PLCB1: variants seen among roughly 807,000 people sequenced by gnomAD.
PLCB1 encodes the protein phospholipase C beta 1, also known as 1-phosphatidylinositol 4,5-bisphosphate phosphodiesterase beta-1.
In PLCB1, 46 loss-of-function variants were observed where a neutral mutation model predicts 161.8. The ratio of observed to expected loss-of-function variants is 0.28; its 90% CI spans 0.22 to 0.36. PLCB1 has a LOEUF of 0.36. Among genes scored for constraint, PLCB1 ranks in the 10% least tolerant of loss-of-function variants. PLCB1 has a pLI of 1.00. For missense variants in PLCB1, 1,016 were observed against 1,472.5 expected, an observed-to-expected ratio of 0.69 and a Z score of 5.07; for synonymous variants, 517 against 503.7, an observed-to-expected ratio of 1.03 and a Z score of -0.35.
At chr20:8,795,568 T>C (rs1442368324) in intron 31 of PLCB1, among the ~76,000 whole-genome samples, 1 of 152,220 alleles carries the variant, frequency 6.6e-6, no homozygotes, top group Non-Finnish European at 1.5e-5. Context: ...TGGCTTTTTA[T>C]GAAATCCATA....
At chr20:8,517,646 C>T (rs973755118) in intron 3 of PLCB1, among the ~76,000 whole-genome samples, 5 of 152,182 alleles carry the variant, frequency 3.3e-5, no homozygotes, top group Non-Finnish European at 5.9e-5. Flanking sequence ...ATCCCCTGTA[C>T]GGCCTGTGTT....
chr20:8,804,368 T>C (rs1984424567), intron 31 of PLCB1, among the ~76,000 whole-genome samples: 1 of 152,128 alleles, frequency 6.6e-6, no homozygotes, highest in African/African-American at 2.4e-5. Flanking sequence ...AAGAGACAAA[T>C]ATCCCCACAA....
rs545799415 is a variant in PLCB1 at position 8,243,955 on chromosome 20, GT to G, written c.177+93589del. 2.9e-4 allele frequency among the ~76,000 whole-genome samples: 44 copies of G among 151,940 alleles called. No individual in the cohort carries two copies. In the South Asian group the frequency reaches 8.7e-3, roughly 30 times the overall value. On this transcript the variant is annotated intron_variant, in intron 2 of 31. Transcript: ENST00000338037. ...AATTTTTTAATAATTGAAAGAATAG[GT>G]TTTTACTAATTAAGATCAGATTTAT...
intron 2 of PLCB1, among the ~76,000 whole-genome samples, chr20:8,215,635 C>A (rs1167994013): frequency 6.6e-6 from 1 of 152,008 alleles, no homozygotes; most frequent in Non-Finnish European, 1.5e-5. Flanking sequence ...AGGTTGTGAA[C>A]ATTTAGAGTT....
chr20:8,347,702 A>G (rs1727457647), intron 2 of PLCB1, among the ~76,000 whole-genome samples: 1 of 152,226 alleles, frequency 6.6e-6, no homozygotes, highest in African/African-American at 2.4e-5. Context: ...TTTTAGGGCT[A>G]CTTATAATGT....
intron 3 of PLCB1, among the ~76,000 whole-genome samples, chr20:8,513,074 T>G (rs1316795698): frequency 6.6e-6 from 1 of 152,224 alleles, no homozygotes; most frequent in Non-Finnish European, 1.5e-5. Flanking sequence ...TTATTTTACT[T>G]AGTATAATGG....
intron 4 of PLCB1, among the ~76,000 whole-genome samples, chr20:8,641,986 T>C (rs967758983): frequency 6.6e-6 from 1 of 152,216 alleles, no homozygotes; most frequent in East Asian, 1.9e-4. Flanking sequence ...TAAGTTAGTT[T>C]GAGTTGTGCT....
intron 7 of PLCB1, among the ~76,000 whole-genome samples, chr20:8,655,283 C>T (rs1989428699): frequency 6.6e-6 from 1 of 152,098 alleles, no homozygotes; most frequent in African/African-American, 2.4e-5. Context: ...GCTCGCTATC[C>T]ATTTCTCCAC....
chr20:8,154,782 T>C (rs1413432277), intron 2 of PLCB1, among the ~76,000 whole-genome samples: 2 of 152,198 alleles, frequency 1.3e-5, no homozygotes, highest in East Asian at 1.9e-4. Context: ...TGGACAGTTC[T>C]CTGTGTATTC....
chr20:8,718,138 T>A (rs1979432881), intron 14 of PLCB1, among the ~76,000 whole-genome samples: 1 of 152,022 alleles, frequency 6.6e-6, no homozygotes, highest in Non-Finnish European at 1.5e-5. Context: ...GAGAATCGCT[T>A]GAACCTAGGA....
chr20:8,200,824 G>T (rs1031428601), intron 2 of PLCB1, among the ~76,000 whole-genome samples: 15 of 151,858 alleles, frequency 9.9e-5, no homozygotes, highest in African/African-American at 3.6e-4. Context: ...GATCTTACAG[G>T]GAAGGCTTCT....
intron 2 of PLCB1, among the ~76,000 whole-genome samples, chr20:8,312,190 G>C (rs1984432582): frequency 6.6e-6 from 1 of 152,084 alleles, no homozygotes; most frequent in Non-Finnish European, 1.5e-5. Flanking sequence ...TATCTAGCCA[G>C]GGTTGGTTAT....
intron 2 of PLCB1, among the ~76,000 whole-genome samples, chr20:8,328,361 T>C (rs192887023): frequency 4.5e-4 from 69 of 152,234 alleles, no homozygotes; most frequent in African/African-American, 1.5e-3. Context: ...GTGCTTAAAA[T>C]GGAAAGAGGA....
chr20:8,539,649 T>C (rs190909068), intron 3 of PLCB1, among the ~76,000 whole-genome samples: 1 of 89,704 alleles, frequency 1.1e-5, no homozygotes, highest in African/African-American at 4.6e-5. Context: ...TCTTTCTTTC[T>C]TTCTTTCTTT....
At chr20:8,269,904 A>G (rs1192614867) in intron 2 of PLCB1, among the ~76,000 whole-genome samples, 8 of 151,942 alleles carry the variant, frequency 5.3e-5, no homozygotes, top group Admixed American at 1.3e-4. Flanking sequence ...TTTAAAAAAA[A>G]AAAGCCTGGC....
chr20:8,351,486 A>G (rs1986175061), intron 2 of PLCB1, among the ~76,000 whole-genome samples: 1 of 152,098 alleles, frequency 6.6e-6, no homozygotes, highest in South Asian at 2.1e-4. Flanking sequence ...AATTTTGATA[A>G]ACTATAATTT....
At chr20:8,614,729 A>G (rs996901070) in intron 3 of PLCB1, among the ~76,000 whole-genome samples, 7 of 151,968 alleles carry the variant, frequency 4.6e-5, no homozygotes, top group Admixed American at 3.3e-4. Flanking sequence ...CAAATTAAAA[A>G]TTGTGTTAGC....
chr20:8,621,178 G>A (rs1221283512), intron 3 of PLCB1, among the ~76,000 whole-genome samples: 1 of 152,094 alleles, frequency 6.6e-6, no homozygotes, highest in Non-Finnish European at 1.5e-5. Flanking sequence ...TGCTTTGTCG[G>A]GGGTTTAAAC....
At chr20:8,539,544 TGTTA>T (rs2122947463) in intron 3 of PLCB1, among the ~76,000 whole-genome samples, 1 of 152,358 alleles carries the variant, frequency 6.6e-6, no homozygotes, top group Admixed American at 6.5e-5. Flanking sequence ...CTGACTTTAC[TGTTA>T]TACTGTTTTA....
Sources: allele counts gnomAD v4.1 joint callset (sites outside exome capture counted in the v4.1 genomes callset), GRCh38; gene constraint gnomAD v4.1.1; transcripts MANE v1.5; gene names NCBI Gene and HGNC (gene_info 2026-07-23, HGNC 2026-07-21).